Variants in CCDC82 observed in about 807,000 individuals in gnomAD.
CCDC82 encodes coiled-coil domain-containing protein 82.
In CCDC82, 47 loss-of-function variants were observed where a neutral mutation model predicts 60.6. That is an observed-to-expected ratio of 0.77 (90% confidence interval 0.61 to 0.99). CCDC82 has a LOEUF of 0.99. CCDC82 is among the 50% of genes least tolerant of loss of function. The probability of loss-of-function intolerance (pLI) is 0.00; values close to 1 mark genes in which losing one functional copy is unlikely to be tolerated. For missense variants in CCDC82, 588 were observed against 633.0 expected (o/e 0.93, Z 0.76); for synonymous variants, 212 against 207.4 (o/e 1.02, Z -0.19).
chr11:96,365,728 G>A (rs1864910565), intron 7 of CCDC82, among the ~76,000 whole-genome samples: 1 of 152,168 alleles, frequency 6.6e-6, no homozygotes, highest in Non-Finnish European at 1.5e-5. Context: ...TAAACAAACT[G>A]AGAAAACACT....
intron 9 of CCDC82, chr11:96,355,914 A>T (rs978937022): frequency 6.6e-6 from 1 of 152,210 alleles, no homozygotes; most frequent in Non-Finnish European, 1.5e-5. Context: ...GTGGAAATGA[A>T]GTGTGGGAAA....
At chr11:96,357,748 AG>A (rs1282172717) in intron 9 of CCDC82, 2 of 985,318 alleles carry the variant, frequency 2.0e-6, no homozygotes, top group Non-Finnish European at 2.4e-6. Context: ...CATCAATAAA[AG>A]CACTTAAGAA....
chr11:96,356,528 A>T (rs565583277), intron 9 of CCDC82: 1 of 985,124 alleles, frequency 1.0e-6, no homozygotes, highest in African/African-American at 1.7e-5. Flanking sequence ...TCAACTTCCC[A>T]GGAAGTCCCA....
intron 6 of CCDC82, among the ~76,000 whole-genome samples, chr11:96,371,915 G>A (rs1001847764): frequency 8.5e-5 from 13 of 152,196 alleles, no homozygotes; most frequent in African/African-American, 2.4e-4. Context: ...ATCTGTCATC[G>A]TATGAATTTA....
At chr11:96,372,064 G>GCTC (rs1306089792) in intron 6 of CCDC82, among the ~76,000 whole-genome samples, 1 of 152,008 alleles carries the variant, frequency 6.6e-6, no homozygotes, top group East Asian at 1.9e-4. Flanking sequence ...ACTCCTCTGA[G>GCTC]CTCCTCTCTT....
In CCDC82 at chr11:96,361,628, AT is replaced by A. The variant is rs1864665558; in HGVS notation, c.1381-2451del. Among the ~76,000 whole-genome samples, 6 of 152,336 alleles carry A rather than the reference AT, an allele frequency of 3.9e-5. No homozygotes were observed. In the South Asian group the frequency reaches 1.0e-3, roughly 26 times the overall value. ...TCCAAGTGAACTTAACCCCTCACTC[AT>A]TCCTGTTTTTAGTGTATTGTTACAG... is the stretch of plus-strand genomic sequence containing the variant. On this transcript the variant is annotated intron_variant, in intron 8 of 9. Transcript: ENST00000646818.
chr11:96,364,229 T>A (rs1460481960), intron 8 of CCDC82: 1 of 152,128 alleles, frequency 6.6e-6, no homozygotes, highest in Non-Finnish European at 1.5e-5. Flanking sequence ...TGCATATGAC[T>A]ATTAAATATA....
At chr11:96,356,698 T>C in intron 9 of CCDC82, 1 of 954,354 alleles carries the variant, frequency 1.0e-6, no homozygotes, top group Non-Finnish European at 1.2e-6. Context: ...TCTATTCTTT[T>C]CTTATACTCA....
In CCDC82 at chr11:96,372,851, A is replaced by G. The variant is rs560380451; in HGVS notation, c.1084+524T>C. ...TGAAAAGTGCATATAAATGAGTACT[A>G]TGAGTATTACCATACTCAGAATGAT... On this transcript the variant is annotated intron_variant, in intron 6 of 9. Transcript: ENST00000646818. Among the ~76,000 whole-genome samples the G allele has an allele frequency of 2.4e-4, 36 of 151,504 alleles. 1 individual carries two copies. The South Asian group carries it at 5.8e-3, about 24-fold the overall frequency.
intron 9 of CCDC82, chr11:96,358,601 T>C: frequency 8.1e-7 from 1 of 1,234,108 alleles, no homozygotes; most frequent in Non-Finnish European, 1.0e-6. Flanking sequence ...TTCTTCACTC[T>C]CAGGTCACAA....
chr11:96,368,693 C>T (rs761890766), intron 7 of CCDC82, among the ~76,000 whole-genome samples: 2 of 151,714 alleles, frequency 1.3e-5, no homozygotes, highest in African/African-American at 2.4e-5. Context: ...GGCGAAACCC[C>T]GTCTCTACTA....
intron 7 of CCDC82, among the ~76,000 whole-genome samples, chr11:96,367,458 C>A (rs899778552): frequency 6.6e-6 from 1 of 152,168 alleles, no homozygotes; most frequent in Non-Finnish European, 1.5e-5. Context: ...CAAGAAACCA[C>A]GTTCTTTGCT....
intron 8 of CCDC82, among the ~76,000 whole-genome samples, chr11:96,362,230 G>A (rs1864698530): frequency 6.6e-6 from 1 of 152,152 alleles, no homozygotes; most frequent in African/African-American, 2.4e-5. Context: ...ACTGTAGGTA[G>A]CTTTTTGAAG....
chr11:96,378,573 T>TA (rs1444090509), intron 5 of CCDC82, among the ~76,000 whole-genome samples: 1 of 152,016 alleles, frequency 6.6e-6, no homozygotes, highest in African/African-American at 2.4e-5. Context: ...TCACTTAGTC[T>TA]AATTTCCAGT....
chr11:96,387,054 G>A (rs970805250), intron 2 of CCDC82: 2 of 152,222 alleles, frequency 1.3e-5, no homozygotes, highest in South Asian at 4.1e-4. Flanking sequence ...CGTAAGCTAA[G>A]TGTGCATATG....
At chr11:96,353,971 T>C in intron 9 of CCDC82, 1 of 277,306 alleles carries the variant, frequency 3.6e-6, no homozygotes, top group Non-Finnish European at 6.7e-6. Context: ...AAATTATAAT[T>C]TTTATATTAT....
chr11:96,366,513 C>A (rs1864959586), intron 7 of CCDC82, among the ~76,000 whole-genome samples: 1 of 152,146 alleles, frequency 6.6e-6, no homozygotes, highest in Non-Finnish European at 1.5e-5. Context: ...GGTTTAATAC[C>A]AGCCTGTCTA....
At chr11:96,359,353 C>T in intron 8 of CCDC82, 175 bp from the exon 9 acceptor site, 1 of 537,016 alleles carries the variant, frequency 1.9e-6, no homozygotes, top group East Asian at 3.4e-5. Context: ...TGTGAGGTTT[C>T]AAACATTGGG....
At chr11:96,376,915 T>C (rs1411091433) in intron 5 of CCDC82, among the ~76,000 whole-genome samples, 1 of 152,192 alleles carries the variant, frequency 6.6e-6, no homozygotes, top group South Asian at 2.1e-4. Context: ...TCAGATTCTC[T>C]TGGATATTTC....
Sources: gnomAD v4.1 joint callset for allele counts (sites outside exome capture counted in the v4.1 genomes callset) on GRCh38, gnomAD v4.1.1 for gene constraint, MANE v1.5 for transcripts, NCBI Gene and HGNC (gene_info 2026-07-23, HGNC 2026-07-21) for gene names.